CHEK1: variants seen among roughly 807,000 people sequenced by gnomAD.
CHEK1 encodes the protein checkpoint kinase 1.
A neutral mutation model predicts 60.2 loss-of-function variants in CHEK1; 32 were observed. The observed-to-expected ratio is 0.53, with a 90% confidence interval of 0.40 to 0.71. CHEK1 has a LOEUF of 0.71. CHEK1 is among the 30% of genes least tolerant of loss of function. The pLI is 0.00. For synonymous variants in CHEK1, 179 were observed against 187.2 expected (o/e 0.96, Z 0.36); for missense variants, 399 against 564.6 (o/e 0.71, Z 2.97).
chr11:125,625,372 A>G lies in CHEK1; in HGVS notation c.-661A>G. On this transcript the variant is annotated 5_prime_UTR_variant, in exon 1 of 13. Transcript: ENST00000438015. ...CCGGGAAACTTGCCCCGCCACACAC[A>G]CTTGACTGCGTGGCCAGTTCTTTCG... The G allele has an allele frequency of 3.9e-6, 1 of 258,062 alleles. No individual in the cohort carries two copies. Among genetic ancestry groups the G allele is most frequent in the Middle Eastern group, 1.1e-3 (1 of 872 alleles). The allele number at this position is 258,062 out of a possible 1,614,324, so 16.0% of individuals were successfully genotyped here. A position where few individuals can be genotyped will look rare whatever the true frequency, so the allele number is the denominator to read the frequency against.
At chr11:125,641,088 C>T (rs1163047869) in intron 8 of CHEK1, among the ~76,000 whole-genome samples, 5 of 152,060 alleles carry the variant, frequency 3.3e-5, no homozygotes, top group African/African-American at 9.7e-5. Context: ...GTTATTAGAT[C>T]GAAAGAACAT....
At chr11:125,644,801 G>C (rs1477170716) in intron 11 of CHEK1, among the ~76,000 whole-genome samples, 158 bp downstream of exon 11, 1 of 152,066 alleles carries the variant, frequency 6.6e-6, no homozygotes, top group African/African-American at 2.4e-5. Context: ...CTGAGGTCAG[G>C]GGTTCGAGAC....
chr11:125,635,833 G>A lies in CHEK1; in HGVS notation c.718+300G>A, dbSNP rs147383998. 5.0e-4 allele frequency: 87 copies of A among 175,318 alleles called. 2 individuals carry two copies. The East Asian group carries it at 0.012, about 23-fold the overall frequency. The allele number at this position is 175,318 out of a possible 1,614,324, so 10.9% of individuals were successfully genotyped here. The stretch of plus-strand genomic sequence containing the variant: ...GCTATACTTTGTTGCAAATACACTC[G>A]TTTGTTGCTTAATTATAGGGATGCA... On this transcript the variant is annotated intron_variant, in intron 7 of 12. Coordinates refer to ENST00000438015, the MANE Select transcript of CHEK1 (RefSeq NM_001114122.3).
In CHEK1 at chr11:125,633,236, G is replaced by C. The variant is rs373714183; in HGVS notation, c.498G>C (p.Lys166Asn). The part of the protein sequence containing the change: ...RYNNRERLLN[K>N]MCGTLPYVAP... Reference sequence around the variant, plus strand: ...ATAATCGTGAGCGTTTGTTGAACAAGATGTGTGGTACTTTACCATATGTTG... The same window carrying C: ...ATAATCGTGAGCGTTTGTTGAACAACATGTGTGGTACTTTACCATATGTTG... The change falls in exon 6 of 13, where the codon AAG becomes AAC. Residue 166 changes from lysine to asparagine, a missense_variant. By Grantham distance (94) the Lys-to-Asn change is moderately conservative. Transcript: ENST00000438015. The C allele has an allele frequency of 1.4e-5, 23 of 1,606,070 alleles. No individual in the cohort carries two copies. The highest frequency in any genetic ancestry group is 1.9e-5 in the Non-Finnish European group (22 of 1,178,146).
chr11:125,675,379 T>G (rs1251655939), intron 13 of CHEK1, among the ~76,000 whole-genome samples: 2 of 152,234 alleles, frequency 1.3e-5, no homozygotes, highest in African/African-American at 4.8e-5. Context: ...CATAATCTCT[T>G]TGTACACAGT....
At chr11:125,660,243 G>C (rs77349247), downstream of CHEK1, among the ~76,000 whole-genome samples, 92 of 152,200 alleles carry the variant, frequency 6.0e-4, no homozygotes, top group Admixed American at 1.3e-3. Context: ...TACAATTGTT[G>C]GGTACAGGCT....
chr11:125,660,141 G>T (rs1941986205), downstream of CHEK1, among the ~76,000 whole-genome samples: 2 of 152,138 alleles, frequency 1.3e-5, no homozygotes, highest in South Asian at 4.1e-4. Context: ...AGGCTGCTGT[G>T]CACATTCTTT....
chr11:125,640,279 C>G (rs575493274), intron 8 of CHEK1, among the ~76,000 whole-genome samples: 3 of 152,150 alleles, frequency 2.0e-5, no homozygotes, highest in Non-Finnish European at 4.4e-5. Flanking sequence ...CGGTGGCTCA[C>G]GCCTGTAATC....
chr11:125,635,104 C>T, intron 6 of CHEK1, among the ~76,000 whole-genome samples: 1 of 152,034 alleles, frequency 6.6e-6, no homozygotes, highest in East Asian at 1.9e-4. Flanking sequence ...ACTACAGATG[C>T]ACACCATCAC....
intron 3 of CHEK1, 21 bp from the exon 4 acceptor site, chr11:125,629,211 T>C: frequency 6.2e-7 from 1 of 1,612,532 alleles, no homozygotes; most frequent in African/African-American, 1.3e-5. Context: ...GTCAATAAAC[T>C]TACTTTCATA....
downstream of CHEK1, among the ~76,000 whole-genome samples, chr11:125,658,743 G>T (rs1419213278): frequency 7.6e-6 from 1 of 131,026 alleles, no homozygotes; most frequent in Non-Finnish European, 1.6e-5. Context: ...AAGCTGGAGT[G>T]CAGTGGCACA....
At chr11:125,626,857 C>A (rs375329424) in intron 2 of CHEK1, 24 bp downstream of exon 2, 1 of 1,612,730 alleles carries the variant, frequency 6.2e-7, no homozygotes, top group South Asian at 1.1e-5. Flanking sequence ...AGCTTGCCTT[C>A]GTTTTCTGAG....
intron 2 of CHEK1, 121 bp from the exon 3 acceptor site, chr11:125,627,486 T>A: frequency 1.4e-6 from 1 of 740,564 alleles, no homozygotes. Flanking sequence ...AACCACTTCC[T>A]TGGTTTCTCC....
At chr11:125,628,815 T>C (rs568049859) in intron 3 of CHEK1, among the ~76,000 whole-genome samples, 1 of 152,284 alleles carries the variant, frequency 6.6e-6, no homozygotes, top group Admixed American at 6.5e-5. Context: ...AAGTATAATC[T>C]GTAAAATATT....
intron 11 of CHEK1, among the ~76,000 whole-genome samples, chr11:125,646,630 A>G (rs551228436): frequency 6.6e-6 from 1 of 152,246 alleles, no homozygotes; most frequent in South Asian, 2.1e-4. Context: ...AACCTTGCCA[A>G]CACTTACTGC....
chr11:125,644,957 G>A (rs866738081), intron 11 of CHEK1, among the ~76,000 whole-genome samples: 10 of 152,144 alleles, frequency 6.6e-5, no homozygotes, highest in East Asian at 3.9e-4. Context: ...GCAGTGAGCC[G>A]AGATCCTGCC....
chr11:125,646,317 T>G (rs1941503918), intron 11 of CHEK1, among the ~76,000 whole-genome samples: 1 of 152,192 alleles, frequency 6.6e-6, no homozygotes, highest in Non-Finnish European at 1.5e-5. Flanking sequence ...TTCCTTTTTA[T>G]GGCTGAATAA....
At chr11:125,647,329 TCTTTTTTTTTC>T (rs1941540786) in intron 11 of CHEK1, among the ~76,000 whole-genome samples, 1 of 152,098 alleles carries the variant, frequency 6.6e-6, no homozygotes, top group South Asian at 2.1e-4. Flanking sequence ...GAATCTCAAT[TCTTTTTTTTTC>T]CTTTTTTTTT....
At position 125,653,953 on chromosome 11, in the gene CHEK1, C is replaced by T; in HGVS notation, c.1335+106C>T. The stretch of plus-strand genomic sequence containing the variant: ...GTGGCATTTGTAAATAGGTTACTTG[C>T]TTTTTTCGTTTAATATTATGAGCAT... On this transcript the variant is annotated intron_variant, in intron 12 of 12. Transcript: ENST00000438015. This position sits in a 1 kb window ranked among gnomAD's most constrained non-coding sequence, Gnocchi z 4.3. The T allele has an allele frequency of 1.7e-6, 1 of 592,282 alleles. No individual in the cohort carries two copies. Among genetic ancestry groups the T allele is most frequent in the Non-Finnish European group, 2.9e-6 (1 of 347,196 alleles). The allele number at this position is 592,282 out of a possible 1,614,324, so 36.7% of individuals were successfully genotyped here.
Sources: allele counts gnomAD v4.1 joint callset (sites outside exome capture counted in the v4.1 genomes callset), GRCh38; gene constraint gnomAD v4.1.1; non-coding constraint Gnocchi (gnomAD v3.1); transcripts MANE v1.5; gene names NCBI Gene and HGNC (gene_info 2026-07-23, HGNC 2026-07-21).